The following RERE variants were observed in gnomAD, a reference collection of about 807,000 sequenced individuals.
RERE encodes the protein arginine-glutamic acid dipeptide repeats.
RERE carries 40 observed loss-of-function variants against 146.1 expected under a neutral mutation model. The observed-to-expected ratio is 0.27, with a 90% CI of 0.21 to 0.36. The LOEUF (loss-of-function observed/expected upper bound fraction) is 0.36. Ranked by LOEUF, RERE falls within the 10% of genes least tolerant of loss-of-function variation. RERE has a pLI of 1.00. For missense variants in RERE, 1,933 were observed against 2,138.7 expected (o/e 0.90, Z 1.90); for synonymous variants, 1,003 against 866.0 (o/e 1.16, Z -2.78).
intron 7 of RERE, among the ~76,000 whole-genome samples, chr1:8,512,254 C>T (rs966793572): frequency 4.0e-5 from 6 of 149,968 alleles, no homozygotes; most frequent in Admixed American, 6.6e-5. Context: ...AGGATGGTCT[C>T]GATCTCCTGA....
intron 1 of RERE, among the ~76,000 whole-genome samples, chr1:8,781,247 T>A (rs1409608382): frequency 6.6e-6 from 1 of 151,470 alleles, no homozygotes; most frequent in Non-Finnish European, 1.5e-5. Context: ...TCCCAGCTAC[T>A]CAGGAGGCTG....
At chr1:8,505,902 T>C (rs1039801164) in intron 8 of RERE, among the ~76,000 whole-genome samples, 4 of 152,222 alleles carry the variant, frequency 2.6e-5, no homozygotes, top group African/African-American at 7.2e-5. Context: ...ACATTTCTTT[T>C]TGAAAATGAA....
intron 10 of RERE, among the ~76,000 whole-genome samples, chr1:8,482,658 G>A (rs1260418534): frequency 1.4e-5 from 2 of 138,546 alleles, no homozygotes; most frequent in African/African-American, 5.3e-5. Context: ...CTCGAGCCTG[G>A]GCAACAGAGT....
intron 1 of RERE, among the ~76,000 whole-genome samples, chr1:8,696,854 G>A (rs1329018190): frequency 6.6e-6 from 1 of 152,026 alleles, no homozygotes; most frequent in Non-Finnish European, 1.5e-5. Flanking sequence ...AGATTATAGA[G>A]AGCTGAGATT....
chr1:8,396,897 C>G lies in RERE; in HGVS notation c.1284+25830G>C, dbSNP rs529207622. 5.9e-5 allele frequency among the ~76,000 whole-genome samples: 9 copies of G among 152,294 alleles called. No individual in the cohort carries two copies. The South Asian group carries it at 1.5e-3, about 25-fold the overall frequency. ...GTATCAGTTTATTCACTTTCAACAG[C>G]ATCTTTGCATTTTAAAGGTAAGGGA... On this transcript the variant is annotated intron_variant, in intron 12 of 22. Coordinates refer to ENST00000400908, the MANE Select transcript of RERE (RefSeq NM_001042681.2).
intron 2 of RERE, among the ~76,000 whole-genome samples, chr1:8,638,620 T>C (rs1406903555): frequency 6.6e-6 from 1 of 152,156 alleles, no homozygotes; most frequent in Admixed American, 6.5e-5. Context: ...TAACTCCATA[T>C]ACGTTCACTA....
In RERE at chr1:8,356,301, T is replaced by A; in HGVS notation, c.4340-55A>T. ...GCGGTGTGCAGCTCTTCAATGTTTG[T>A]CCCCCTTGGCTGGAATGACCGATGA... On this transcript the variant is annotated intron_variant, in intron 20 of 22. Transcript: ENST00000400908. This position sits in a 1 kb window ranked among gnomAD's most constrained non-coding sequence, Gnocchi z 5.2. 6.9e-7 allele frequency: 1 copy of A among 1,448,158 alleles called. No homozygotes were observed. The allele number at this position is 1,448,158 out of a possible 1,614,324, so 89.7% of individuals were successfully genotyped here.
intron 1 of RERE, among the ~76,000 whole-genome samples, chr1:8,726,805 G>GTTTATTTA (rs34474520): frequency 1.3e-5 from 2 of 151,594 alleles, no homozygotes; most frequent in Admixed American, 6.6e-5. Flanking sequence ...GTAAACTGAC[G>GTTTATTTA]TTTATTTATT....
chr1:8,502,654 G>A (rs947883756), intron 8 of RERE, among the ~76,000 whole-genome samples: 4 of 150,108 alleles, frequency 2.7e-5, no homozygotes, highest in Non-Finnish European at 5.9e-5. Context: ...AAGGCGGGAA[G>A]GGTGGGGAAA....
At chr1:8,412,493 A>G (rs1425212001) in intron 12 of RERE, among the ~76,000 whole-genome samples, 2 of 152,222 alleles carry the variant, frequency 1.3e-5, no homozygotes, top group South Asian at 4.1e-4. Context: ...CACCTCCAGT[A>G]CACACATGTA....
At chr1:8,628,274 G>C (rs1646997449) in intron 2 of RERE, among the ~76,000 whole-genome samples, 1 of 152,026 alleles carries the variant, frequency 6.6e-6, no homozygotes, top group Non-Finnish European at 1.5e-5. Context: ...AGTTTTGTAA[G>C]CCACTGGAGG....
At chr1:8,369,508 TAAAAAAAAAAAAAAA>T (rs1186718390) in intron 12 of RERE, among the ~76,000 whole-genome samples, 11 of 76,900 alleles carry the variant, frequency 1.4e-4, no homozygotes, top group East Asian at 4.5e-4. Context: ...CGCCTTTTAC[TAAAAAAAAAAAAAAA>T]AAAAAAAAAA....
intron 1 of RERE, among the ~76,000 whole-genome samples, chr1:8,750,134 G>A (rs933188332): frequency 2.9e-5 from 3 of 103,178 alleles, no homozygotes; most frequent in Admixed American, 1.5e-4. Context: ...CTGGGTGACA[G>A]AACAAGCCTC....
chr1:8,604,954 A>T (rs1304000576), intron 4 of RERE, among the ~76,000 whole-genome samples: 1 of 152,192 alleles, frequency 6.6e-6, no homozygotes, highest in Non-Finnish European at 1.5e-5. Flanking sequence ...CTGAAGAAAA[A>T]TCTGAAGAAA....
chr1:8,373,393 G>C (rs1173326799), intron 12 of RERE, among the ~76,000 whole-genome samples: 1 of 152,100 alleles, frequency 6.6e-6, no homozygotes, highest in African/African-American at 2.4e-5. Flanking sequence ...ACGTAAAGGG[G>C]ATGAAGAAAT....
At chr1:8,552,706 G>A (rs1645951389) in intron 6 of RERE, among the ~76,000 whole-genome samples, 1 of 152,226 alleles carries the variant, frequency 6.6e-6, no homozygotes, top group African/African-American at 2.4e-5. Context: ...GACTGCTGGG[G>A]GGCACTGCCA....
intron 12 of RERE, among the ~76,000 whole-genome samples, chr1:8,395,805 G>A (rs1643035665): frequency 1.3e-5 from 2 of 152,118 alleles, no homozygotes; most frequent in South Asian, 4.1e-4. Context: ...CCTGCAGTGG[G>A]GGCACAGGAG....
chr1:8,425,168 T>A (rs1643992866), intron 11 of RERE: 1 of 152,258 alleles, frequency 6.6e-6, no homozygotes, highest in Admixed American at 6.5e-5. Flanking sequence ...CCTCAACTAC[T>A]GGCACACTCC....
Position 8,656,262 on chromosome 1 carries a change from C to T in RERE, c.36G>A (p.Glu12=). The T allele has an allele frequency of 6.2e-7, 1 of 1,605,062 alleles. No homozygotes were observed. The highest frequency in any genetic ancestry group is 8.5e-7 in the Non-Finnish European group (1 of 1,172,162). ...GGTCCCGGTCTCGGTCCCGGTCCTT[C>T]TCTTTGTCTTTGTCTTTGTCTTTGT... is the stretch of plus-strand genomic sequence containing the variant. ...TADKDKDKDK[E]KDRDRDRDRE... is the part of the protein sequence containing the mutation. Residue 12 remains glutamate, a synonymous_variant, in exon 2 of 23, where the codon GAG becomes GAA. Coordinates refer to ENST00000400908, the MANE Select transcript of RERE (RefSeq NM_001042681.2).
Sources: gnomAD v4.1 joint callset for allele counts (sites outside exome capture counted in the v4.1 genomes callset) on GRCh38, gnomAD v4.1.1 for gene constraint, Gnocchi (gnomAD v3.1) non-coding constraint, MANE v1.5 for transcripts, NCBI Gene and HGNC (gene_info 2026-07-23, HGNC 2026-07-21) for gene names.